The following PTPN3 variants were observed in gnomAD, a reference collection of about 807,000 sequenced individuals.
PTPN3 encodes the protein tyrosine-protein phosphatase non-receptor type 3.
PTPN3 carries 96 observed loss-of-function variants against 132.7 expected under a neutral mutation model. The observed-to-expected ratio is 0.72, with a 90% CI of 0.61 to 0.86. The LOEUF is 0.86. PTPN3 is among the 40% of genes least tolerant of loss of function. PTPN3 has a pLI of 0.00. For synonymous variants in PTPN3, 398 were observed against 429.0 expected, an observed-to-expected ratio of 0.93 and a Z score of 0.89; for missense variants, 1,125 against 1,159.6, an observed-to-expected ratio of 0.97 and a Z score of 0.43.
chr9:109,441,593 G>C (rs548595579), intron 7 of PTPN3, among the ~76,000 whole-genome samples: 2 of 152,260 alleles, frequency 1.3e-5, no homozygotes, highest in African/African-American at 2.4e-5. Flanking sequence ...CCTGAGGCTG[G>C]TACAGACCTC....
chr9:109,434,762 G>A (rs117132174), intron 9 of PTPN3, among the ~76,000 whole-genome samples: 117 of 152,236 alleles, frequency 7.7e-4, no homozygotes, highest in Non-Finnish European at 9.9e-4. Flanking sequence ...ACCTCGAAGC[G>A]TTTTTATCTG....
chr9:109,400,556 A>G (rs533163668), intron 19 of PTPN3, among the ~76,000 whole-genome samples: 1 of 152,218 alleles, frequency 6.6e-6, no homozygotes, highest in East Asian at 1.9e-4. Flanking sequence ...TCTAATAACA[A>G]CTCTCATACA....
chr9:109,465,466 T>C (rs1846052487), intron 1 of PTPN3, among the ~76,000 whole-genome samples: 1 of 151,950 alleles, frequency 6.6e-6, no homozygotes, highest in Non-Finnish European at 1.5e-5. Context: ...TCCCAGCACT[T>C]TGGGAGGCTG....
Position 109,451,380 on chromosome 9 carries a change from CCTT to C in PTPN3, c.369-2528_369-2526del, listed in dbSNP as rs1246510301. 83 of 970,920 alleles carry C rather than the reference CCTT, an allele frequency of 8.5e-5. No homozygotes were observed. In the African/African-American group the frequency reaches 1.4e-3, roughly 16 times the overall value. The allele number at this position is 970,920 out of a possible 1,614,324, so 60.1% of individuals were successfully genotyped here. A position where few individuals can be genotyped will look rare whatever the true frequency, so the allele number is the denominator to read the frequency against. The stretch of plus-strand genomic sequence containing the variant: ...ATTCTACTCCACAACGGGATACCAC[CCTT>C]CTTAAGATGGAAGGTGGGGGTGGGG... On this transcript the variant is annotated intron_variant, in intron 5 of 25. Coordinates refer to ENST00000374541, the MANE Select transcript of PTPN3 (RefSeq NM_002829.4).
intron 8 of PTPN3, 84 bp from the exon 9 acceptor site, chr9:109,437,054 T>A (rs998164642): frequency 2.5e-6 from 4 of 1,575,930 alleles, no homozygotes; most frequent in East Asian, 2.3e-5. Flanking sequence ...GAACATTTGA[T>A]ACCATTTCTG....
At chr9:109,440,637 T>C (rs1185175310) in intron 7 of PTPN3, among the ~76,000 whole-genome samples, 1 of 152,216 alleles carries the variant, frequency 6.6e-6, no homozygotes, top group African/African-American at 2.4e-5. Context: ...TTCCTGATCC[T>C]CAAGGTGGAG....
the PTPN3 span, among the ~76,000 whole-genome samples, chr9:109,514,317 A>G: frequency 6.6e-6 from 1 of 152,118 alleles, no homozygotes; most frequent in East Asian, 1.9e-4. Context: ...AAAACTTGCA[A>G]TGTAGGCTCT....
chr9:109,465,706 CAAAAAAAAAAA>C (rs34634972), intron 1 of PTPN3, among the ~76,000 whole-genome samples: 2 of 64,832 alleles, frequency 3.1e-5, no homozygotes, highest in African/African-American at 6.4e-5. Flanking sequence ...AACTCTGTCT[CAAAAAAAAAAA>C]AAAAAAAAAA....
At chr9:109,391,237 A>T (rs777419735) in intron 20 of PTPN3, 38 bp from the exon 21 acceptor site, 6 of 1,577,298 alleles carry the variant, frequency 3.8e-6, no homozygotes, top group Non-Finnish European at 4.3e-6. Flanking sequence ...TATTCCGAGC[A>T]TTATTTTTAT....
intron 23 of PTPN3, 162 bp downstream of exon 23, chr9:109,383,261 T>G: frequency 7.9e-7 from 1 of 1,268,558 alleles, no homozygotes; most frequent in Non-Finnish European, 1.1e-6. Context: ...AGGGCCACTG[T>G]GAACTCTGGG....
At chr9:109,404,401 C>A in intron 19 of PTPN3, 47 bp downstream of exon 19, 1 of 1,303,970 alleles carries the variant, frequency 7.7e-7, no homozygotes, top group African/African-American at 1.5e-5. Context: ...GCAGGGGCAG[C>A]CCAATAGGCG....
intron 1 of PTPN3, among the ~76,000 whole-genome samples, chr9:109,480,927 C>G (rs1305410436): frequency 2.0e-5 from 3 of 150,668 alleles, no homozygotes; most frequent in African/African-American, 7.3e-5. Flanking sequence ...TGGATGGATG[C>G]ATGGATGCAT....
intron 19 of PTPN3, among the ~76,000 whole-genome samples, chr9:109,402,255 G>A (rs1841190063): frequency 6.6e-6 from 1 of 152,018 alleles, no homozygotes; most frequent in East Asian, 1.9e-4. Context: ...TTTTTGAAAG[G>A]CAAGGCCAGA....
At chr9:109,515,307 G>A in the PTPN3 span, among the ~76,000 whole-genome samples, 2 of 152,148 alleles carry the variant, frequency 1.3e-5, no homozygotes, top group Non-Finnish European at 2.9e-5. Context: ...TTATAGATAT[G>A]AGCCACCATG....
At chr9:109,473,448 A>G (rs763107178) in intron 1 of PTPN3, among the ~76,000 whole-genome samples, 2 of 152,246 alleles carry the variant, frequency 1.3e-5, no homozygotes, top group Non-Finnish European at 2.9e-5. Flanking sequence ...ACACCATGAC[A>G]CTTGCAAAAC....
chr9:109,431,125 G>A (rs939625671), intron 10 of PTPN3, among the ~76,000 whole-genome samples: 8 of 152,360 alleles, frequency 5.3e-5, no homozygotes, highest in Non-Finnish European at 7.3e-5. Context: ...CTCGACAGGA[G>A]CCATCTTGAT....
In PTPN3 at chr9:109,382,344, C is replaced by T. The variant is rs1839175748; in HGVS notation, c.2486G>A (p.Arg829Lys). 2 of 1,614,106 alleles carry T rather than the reference C, an allele frequency of 1.2e-6. No homozygotes were observed. The change falls in exon 24 of 26, where the codon AGG becomes AAG. Residue 829 changes from arginine (R) to lysine (K), a missense_variant. Arg to Lys is a conservative substitution (Grantham distance 26). Transcript: ENST00000374541. ...SDFLEFVNYV[R>K]SLRVDSEPVL... ...GGGCTCGCTGTCCACTCTCAGAGACCTCACATAGTTTACAAATTCCAGAAA... is the reference window on the plus strand; with the variant it reads ...GGGCTCGCTGTCCACTCTCAGAGACTTCACATAGTTTACAAATTCCAGAAA...
At chr9:109,438,075 A>G (rs1332145901) in intron 8 of PTPN3, 39 bp downstream of exon 8, 2 of 1,587,620 alleles carry the variant, frequency 1.3e-6, no homozygotes, top group Admixed American at 1.8e-5. Context: ...AAAATACCCA[A>G]CCCAAGTCCC....
At chr9:109,516,457 A>G in the PTPN3 span, among the ~76,000 whole-genome samples, 1 of 152,182 alleles carries the variant, frequency 6.6e-6, no homozygotes, top group Non-Finnish European at 1.5e-5. Flanking sequence ...CAGCTACAGA[A>G]AGGGGAGAAC....
Sources: allele counts gnomAD v4.1 joint callset (sites outside exome capture counted in the v4.1 genomes callset), GRCh38; gene constraint gnomAD v4.1.1; transcripts MANE v1.5; gene names NCBI Gene and HGNC (gene_info 2026-07-23, HGNC 2026-07-21).